The following GALNT2 variants were observed in gnomAD, a reference collection of about 807,000 sequenced individuals.
GALNT2 encodes the protein UDP-GalNAc:polypeptide N-acetylgalactosaminyltransferase 2.
Under a neutral mutation model 81.4 loss-of-function variants are expected in GALNT2, and 31 were observed. The observed-to-expected ratio is 0.38, with a 90% CI of 0.29 to 0.51. The LOEUF (loss-of-function observed/expected upper bound fraction) is 0.51, where lower values mean the gene tolerates loss of function less well. GALNT2 is among the 20% of genes least tolerant of loss of function. GALNT2 has a pLI of 0.87. For missense variants in GALNT2, 629 were observed against 765.7 expected (o/e 0.82, Z 2.11); for synonymous variants, 303 against 287.4 (o/e 1.05, Z -0.55).
At chr1:230,202,381 C>G (rs1558137946) in intron 2 of GALNT2, among the ~76,000 whole-genome samples, 2 of 152,192 alleles carry the variant, frequency 1.3e-5, no homozygotes, top group South Asian at 4.1e-4. Context: ...TGCCTCTGCC[C>G]TAGGGTAGAG....
chr1:230,237,021 AG>A lies in GALNT2; in HGVS notation c.607+297del, dbSNP rs147812930. Among the ~76,000 whole-genome samples the A allele has an allele frequency of 3.8e-3, 585 of 152,378 alleles. 7 individuals are homozygous for A. Among genetic ancestry groups the A allele is most frequent in the African/African-American group, 0.014 (566 of 41,590 alleles). On this transcript the variant is annotated intron_variant, in intron 6 of 15. Transcript: ENST00000366672. ...GTCTTATCAGTCCCTTGAATACAAA[AG>A]TTTAGAAGAAAAACAAAGATTTAGC...
At chr1:230,130,177 TC>T in intron 1 of GALNT2, among the ~76,000 whole-genome samples, 1 of 152,328 alleles carries the variant, frequency 6.6e-6, no homozygotes, top group East Asian at 1.9e-4. Context: ...TGAAGACCTT[TC>T]TCATCCCGCC....
intron 1 of GALNT2, among the ~76,000 whole-genome samples, chr1:230,144,899 G>T (rs1484277614): frequency 6.6e-6 from 1 of 152,162 alleles, no homozygotes; most frequent in Non-Finnish European, 1.5e-5. Flanking sequence ...TAAGCTTCTT[G>T]TGGGAAGGAT....
chr1:230,214,231 G>A (rs777250746), intron 3 of GALNT2, among the ~76,000 whole-genome samples: 2 of 151,890 alleles, frequency 1.3e-5, no homozygotes, highest in Non-Finnish European at 2.9e-5. Context: ...TCCTGCCTCA[G>A]CTTCCCAAGT....
At chr1:230,108,009 AAGGGGTCACAGGTATTGCCC>A (rs1660591519) in intron 1 of GALNT2, among the ~76,000 whole-genome samples, 2 of 152,170 alleles carry the variant, frequency 1.3e-5, no homozygotes, top group Non-Finnish European at 2.9e-5. Context: ...AATGCTGTGA[AAGGGGTCACAGGTATTGCCC>A]AGGCTTGGGC....
intron 1 of GALNT2, among the ~76,000 whole-genome samples, chr1:230,164,656 C>T (rs575522730): frequency 2.0e-5 from 3 of 152,190 alleles, no homozygotes; most frequent in Admixed American, 1.3e-4. Flanking sequence ...CCCTCAGCCT[C>T]CTGAGTAGCT....
At chr1:230,205,441 T>C (rs998498310) in intron 3 of GALNT2, among the ~76,000 whole-genome samples, 6 of 152,208 alleles carry the variant, frequency 3.9e-5, no homozygotes, top group Admixed American at 3.3e-4. Context: ...ATAGTAAGAA[T>C]CTCATCATTT....
chr1:230,250,597 C>CTGAGG, intron 10 of GALNT2, 37 bp downstream of exon 10: 1 of 1,482,648 alleles, frequency 6.7e-7, no homozygotes, highest in South Asian at 1.3e-5. Context: ...CAGAGAAGTG[C>CTGAGG]CTCAGCTCTG....
intron 1 of GALNT2, among the ~76,000 whole-genome samples, chr1:230,168,991 C>T (rs1392146456): frequency 6.6e-6 from 1 of 152,032 alleles, no homozygotes; most frequent in Non-Finnish European, 1.5e-5. Flanking sequence ...TTTGTTATGA[C>T]CTTGACGGTT....
intron 1 of GALNT2, among the ~76,000 whole-genome samples, chr1:230,161,585 G>A (rs939170074): frequency 2.6e-5 from 4 of 152,210 alleles, no homozygotes; most frequent in African/African-American, 9.7e-5. Flanking sequence ...AGATACTCAT[G>A]ACTTTATTTG....
In GALNT2 at chr1:230,150,174, G is replaced by T. The variant is rs558900462; in HGVS notation, c.127-28044G>T. The stretch of plus-strand genomic sequence containing the variant: ...GGCTTAAAAGACATGCACTGGCTCC[G>T]CCCTGGGGCCAGGAGAGCCATCGCC... On this transcript the variant is annotated intron_variant, in intron 1 of 15. Coordinates refer to ENST00000366672, the MANE Select transcript of GALNT2 (RefSeq NM_004481.5). Among the ~76,000 whole-genome samples the T allele has an allele frequency of 1.4e-4, 22 of 152,288 alleles. No individual in the cohort carries two copies. In the South Asian group the frequency reaches 4.3e-3, roughly 30 times the overall value.
At chr1:230,159,742 AG>A (rs983380679) in intron 1 of GALNT2, among the ~76,000 whole-genome samples, 6 of 152,192 alleles carry the variant, frequency 3.9e-5, no homozygotes, top group Non-Finnish European at 8.8e-5. Flanking sequence ...GGTCAGCTTG[AG>A]GGAGAAGATA....
intron 1 of GALNT2, among the ~76,000 whole-genome samples, chr1:230,058,997 C>G (rs1033329096): frequency 6.6e-6 from 1 of 152,192 alleles, no homozygotes; most frequent in Non-Finnish European, 1.5e-5. Context: ...GGCGTGCGAA[C>G]GAGTTCCCAT....
intron 2 of GALNT2, among the ~76,000 whole-genome samples, chr1:230,195,009 G>A (rs537389878): frequency 6.6e-6 from 1 of 152,356 alleles, no homozygotes; most frequent in Admixed American, 6.5e-5. Flanking sequence ...CATCTTCTCT[G>A]TCCAGACTTG....
chr1:230,268,510 C>T (rs562259850), intron 14 of GALNT2: 1 of 152,350 alleles, frequency 6.6e-6, no homozygotes, highest in South Asian at 2.1e-4. Flanking sequence ...AAGCGACACA[C>T]CTTACGCTAC....
At chr1:230,199,990 C>T (rs1264091) in intron 2 of GALNT2, among the ~76,000 whole-genome samples, 150,608 of 152,158 alleles carry the variant, frequency 0.99, 74,541 homozygotes, top group East Asian at 1. Flanking sequence ...ATGCTTCATT[C>T]TTCACCCTCA....
intron 1 of GALNT2, among the ~76,000 whole-genome samples, chr1:230,106,118 A>G (rs963266152): frequency 3.3e-5 from 5 of 152,342 alleles, no homozygotes; most frequent in Middle Eastern, 3.4e-3. Flanking sequence ...CTTTTTGCTC[A>G]TGGCCGTGCA....
At chr1:230,166,709 C>T (rs1222881078) in intron 1 of GALNT2, among the ~76,000 whole-genome samples, 1 of 152,200 alleles carries the variant, frequency 6.6e-6, no homozygotes, top group Non-Finnish European at 1.5e-5. Context: ...AACTTCCTTG[C>T]TTTCTTCCCT....
At chr1:230,270,858 A>G (rs1666144368) in intron 14 of GALNT2, among the ~76,000 whole-genome samples, 1 of 152,228 alleles carries the variant, frequency 6.6e-6, no homozygotes, top group Non-Finnish European at 1.5e-5. Flanking sequence ...TTATTTTACA[A>G]ATTCAGATAA....
Sources: allele counts gnomAD v4.1 joint callset (sites outside exome capture counted in the v4.1 genomes callset), GRCh38; gene constraint gnomAD v4.1.1; transcripts MANE v1.5; gene names NCBI Gene and HGNC (gene_info 2026-07-23, HGNC 2026-07-21).